CCDC178: variants seen among roughly 807,000 people sequenced by gnomAD.
CCDC178 encodes the protein coiled-coil domain containing 178, also known as coiled-coil domain-containing protein 178.
In CCDC178, 126 loss-of-function variants were observed where a neutral mutation model predicts 117.4. The observed-to-expected ratio is 1.07, with a 90% CI of 0.93 to 1.24. The LOEUF is 1.24. Ranked by LOEUF, CCDC178 falls within the 50% of genes most tolerant of loss-of-function variation. The pLI is 0.00. For synonymous variants in CCDC178, 283 were observed against 313.4 expected, an observed-to-expected ratio of 0.90 and a Z score of 1.02; for missense variants, 1,030 against 986.9, an observed-to-expected ratio of 1.04 and a Z score of -0.59.
rs867280267 is a variant in CCDC178, at chr18:33,394,895, G to C, written c.118+2254C>G. On this transcript the variant is annotated intron_variant, in intron 4 of 22. Coordinates refer to ENST00000383096, the MANE Select transcript of CCDC178 (RefSeq NM_001105528.4). ...TTGGAATGGCAGGCTAGGTTTATCAGATCTACTTTTCCACTGAAAATAACT... is the reference window on the plus strand; with the variant it reads ...TTGGAATGGCAGGCTAGGTTTATCACATCTACTTTTCCACTGAAAATAACT... 8.8e-5 allele frequency among the ~76,000 whole-genome samples: 12 copies of C among 136,070 alleles called. No homozygotes were observed. The South Asian group carries it at 2.5e-3, about 29-fold the overall frequency. The allele number at this position is 136,070 out of a possible 152,430, so 89.3% of individuals were successfully genotyped here.
intron 9 of CCDC178, among the ~76,000 whole-genome samples, chr18:33,336,832 G>A (rs2062746603): frequency 6.7e-6 from 1 of 150,306 alleles, no homozygotes; most frequent in Admixed American, 6.6e-5. Context: ...GTAATATGAT[G>A]CCTCCAGATT....
At chr18:33,360,401 G>A (rs978737513) in intron 6 of CCDC178, among the ~76,000 whole-genome samples, 8 of 151,118 alleles carry the variant, frequency 5.3e-5, no homozygotes, top group Non-Finnish European at 7.4e-5. Context: ...ATACACAATA[G>A]ATTATTCAGC....
intron 15 of CCDC178, among the ~76,000 whole-genome samples, chr18:33,243,424 A>C (rs2059511613): frequency 6.6e-6 from 1 of 151,952 alleles, no homozygotes; most frequent in African/African-American, 2.4e-5. Flanking sequence ...AAGAAATGAT[A>C]AATGTTTGAG....
intron 21 of CCDC178, among the ~76,000 whole-genome samples, chr18:33,057,028 GA>G (rs551270729): frequency 1.5e-4 from 23 of 150,152 alleles, no homozygotes; most frequent in Non-Finnish European, 2.2e-4. Flanking sequence ...AGAAAAAAAG[GA>G]AAAAAGTCAA....
intron 11 of CCDC178, among the ~76,000 whole-genome samples, chr18:33,311,172 A>G (rs2062336618): frequency 6.6e-6 from 1 of 151,544 alleles, no homozygotes; most frequent in African/African-American, 2.4e-5. Flanking sequence ...GGAAAACAAA[A>G]CAAAACAAAA....
intron 2 of CCDC178, among the ~76,000 whole-genome samples, chr18:33,433,915 TAATTC>T (rs1240948427): frequency 2.6e-5 from 4 of 152,160 alleles, no homozygotes; most frequent in African/African-American, 9.7e-5. Context: ...CTTTCATTAG[TAATTC>T]TATTATTGAA....
chr18:33,144,076 T>G (rs1322674826), intron 20 of CCDC178, among the ~76,000 whole-genome samples: 1 of 152,156 alleles, frequency 6.6e-6, no homozygotes, highest in African/African-American at 2.4e-5. Context: ...GTAGATGATA[T>G]TCTTCCCTAT....
At chr18:33,343,983 AAT>A (rs1467247001) in intron 9 of CCDC178, among the ~76,000 whole-genome samples, 2 of 152,170 alleles carry the variant, frequency 1.3e-5, no homozygotes, top group East Asian at 1.9e-4. Flanking sequence ...ACCTGAAAGG[AAT>A]ATGTTTCAAA....
At chr18:33,072,060 T>G (rs1435124318) in intron 21 of CCDC178, among the ~76,000 whole-genome samples, 1 of 152,100 alleles carries the variant, frequency 6.6e-6, no homozygotes, top group East Asian at 1.9e-4. Flanking sequence ...ATGCAAGGAC[T>G]TGAAAAAAAT....
At chr18:33,005,987 T>C (rs1296219294) in intron 21 of CCDC178, among the ~76,000 whole-genome samples, 1 of 152,084 alleles carries the variant, frequency 6.6e-6, no homozygotes, top group African/African-American at 2.4e-5. Flanking sequence ...ACTAGAAAGT[T>C]ATGTTTAAAA....
intron 2 of CCDC178, among the ~76,000 whole-genome samples, chr18:33,436,783 T>C (rs1258231067): frequency 4.6e-5 from 7 of 152,120 alleles, no homozygotes; most frequent in Non-Finnish European, 1.0e-4. Context: ...AGCTAGAATA[T>C]GTCTATATGA....
intron 20 of CCDC178, among the ~76,000 whole-genome samples, chr18:33,148,704 T>G (rs1455878723): frequency 6.6e-6 from 1 of 152,224 alleles, no homozygotes; most frequent in Non-Finnish European, 1.5e-5. Context: ...GCAGATACCT[T>G]GTCTTCTTAT....
At chr18:32,961,699 T>C (rs2054706170) in intron 22 of CCDC178, among the ~76,000 whole-genome samples, 1 of 152,086 alleles carries the variant, frequency 6.6e-6, no homozygotes, top group Non-Finnish European at 1.5e-5. Context: ...GCATGTGTAA[T>C]AGGATTCGTG....
chr18:33,348,843 G>T, intron 8 of CCDC178, 47 bp downstream of exon 8: 5 of 1,170,794 alleles, frequency 4.3e-6, no homozygotes, highest in South Asian at 3.8e-5. Flanking sequence ...TGAAGTCAAT[G>T]AACTTTTAAA....
chr18:33,433,032 C>T (rs2064242545), intron 2 of CCDC178, among the ~76,000 whole-genome samples: 1 of 152,180 alleles, frequency 6.6e-6, no homozygotes, highest in South Asian at 2.1e-4. Context: ...AATTTTAACA[C>T]TCACCAAGTT....
chr18:33,183,734 G>T (rs570024035), intron 20 of CCDC178, among the ~76,000 whole-genome samples: 3 of 152,098 alleles, frequency 2.0e-5, no homozygotes, highest in African/African-American at 7.2e-5. Context: ...CCACACAGAA[G>T]CCAAGCTCAT....
At chr18:33,293,064 T>A (rs2062056233) in intron 12 of CCDC178, 95 bp downstream of exon 12, 2 of 762,696 alleles carry the variant, frequency 2.6e-6, no homozygotes, top group South Asian at 4.3e-5. Context: ...TATAAAAAAA[T>A]TGGCCAATTG....
chr18:32,978,448 A>T (rs190121836), intron 21 of CCDC178, among the ~76,000 whole-genome samples: 10 of 152,264 alleles, frequency 6.6e-5, no homozygotes, highest in Non-Finnish European at 1.0e-4. Context: ...TAGGTATGAC[A>T]ACAATTATTT....
chr18:33,341,887 T>C (rs1455025472), intron 9 of CCDC178, among the ~76,000 whole-genome samples: 1 of 152,110 alleles, frequency 6.6e-6, no homozygotes, highest in East Asian at 1.9e-4. Flanking sequence ...TATTAAAAAT[T>C]TACTGACAAC....
Sources: gnomAD v4.1 joint callset for allele counts (sites outside exome capture counted in the v4.1 genomes callset) on GRCh38, gnomAD v4.1.1 for gene constraint, MANE v1.5 for transcripts, NCBI Gene and HGNC (gene_info 2026-07-23, HGNC 2026-07-21) for gene names.